The following ASIC2 variants were observed in gnomAD, a reference collection of about 807,000 sequenced individuals.
ASIC2 encodes the protein acid-sensing ion channel 2.
ASIC2 carries 25 observed loss-of-function variants against 57.3 expected under a neutral mutation model. The observed-to-expected ratio is 0.44, with a 90% CI of 0.32 to 0.61. ASIC2 has a LOEUF of 0.61. ASIC2 is among the 20% of genes least tolerant of loss of function. The pLI is 0.06. For missense variants in ASIC2, 641 were observed against 738.1 expected (o/e 0.87, Z 1.52); for synonymous variants, 319 against 307.5 (o/e 1.04, Z -0.39).
chr17:33,575,936 AGTT>A (rs1022692707), intron 1 of ASIC2, among the ~76,000 whole-genome samples: 1 of 152,206 alleles, frequency 6.6e-6, no homozygotes, highest in Non-Finnish European at 1.5e-5. Flanking sequence ...GCCTGTAATT[AGTT>A]GTTAACACAT....
intron 1 of ASIC2, among the ~76,000 whole-genome samples, chr17:33,949,819 T>G (rs1904501237): frequency 6.6e-6 from 1 of 152,254 alleles, no homozygotes. Context: ...GCCTGGCACC[T>G]AGCAAAGGCT....
intron 1 of ASIC2, among the ~76,000 whole-genome samples, chr17:34,126,278 G>A (rs1029133381): frequency 2.6e-5 from 4 of 152,206 alleles, no homozygotes; most frequent in Non-Finnish European, 5.9e-5. Flanking sequence ...CTACACCAGT[G>A]AGACTTAGGC....
chr17:33,845,330 C>T (rs572065735), intron 1 of ASIC2, among the ~76,000 whole-genome samples: 29 of 152,284 alleles, frequency 1.9e-4, no homozygotes, highest in African/African-American at 5.5e-4. Context: ...GAAAACTGAT[C>T]AACTCTCCAC....
rs146753960 is a variant in ASIC2, at chr17:33,539,747, C to G, written c.556-427680G>C. On this transcript the variant is annotated intron_variant, in intron 1 of 9. Coordinates refer to the ASIC2 transcript ENST00000359872. ...GGGTATTTACTGGCTGCCAACTGTG[C>G]CAGGTGCTGACCTTCGGGAGCTCAC... Among the ~76,000 whole-genome samples, 46 of 152,276 alleles carry G rather than the reference C, an allele frequency of 3.0e-4. No individual in the cohort carries two copies. In the East Asian group the frequency reaches 6.8e-3, roughly 22 times the overall value.
chr17:33,583,980 G>C (rs1435829752), intron 1 of ASIC2, among the ~76,000 whole-genome samples: 1 of 152,124 alleles, frequency 6.6e-6, no homozygotes, highest in Admixed American at 6.5e-5. Context: ...GCCTCTGCTT[G>C]GGTTTATCTC....
chr17:33,479,466 T>C (rs954444993), intron 1 of ASIC2, among the ~76,000 whole-genome samples: 1 of 152,174 alleles, frequency 6.6e-6, no homozygotes, highest in African/African-American at 2.4e-5. Flanking sequence ...CCAGACCTTG[T>C]TTGGACTCAG....
intron 1 of ASIC2, among the ~76,000 whole-genome samples, chr17:33,506,936 G>A (rs988944934): frequency 6.6e-6 from 1 of 152,162 alleles, no homozygotes; most frequent in African/African-American, 2.4e-5. Flanking sequence ...TCACTGCAGG[G>A]AGGCTGAATG....
chr17:33,079,632 T>A (rs1455796421), intron 3 of ASIC2, among the ~76,000 whole-genome samples: 1 of 152,000 alleles, frequency 6.6e-6, no homozygotes, highest in Non-Finnish European at 1.5e-5. Context: ...GAGTGAGCAC[T>A]GGGGAGGCCA....
intron 1 of ASIC2, among the ~76,000 whole-genome samples, chr17:33,496,359 G>T (rs1913930406): frequency 6.6e-6 from 1 of 152,120 alleles, no homozygotes; most frequent in South Asian, 2.1e-4. Flanking sequence ...CTGGATCAGG[G>T]CTCCTCTCCC....
intron 1 of ASIC2, among the ~76,000 whole-genome samples, chr17:33,865,045 T>C (rs1400160631): frequency 6.6e-6 from 1 of 152,164 alleles, no homozygotes; most frequent in East Asian, 1.9e-4. Flanking sequence ...CAAAGTCCAA[T>C]TTTCAGGATA....
At chr17:33,262,477 G>A (rs914817851) in intron 1 of ASIC2, among the ~76,000 whole-genome samples, 3 of 151,806 alleles carry the variant, frequency 2.0e-5, no homozygotes, top group African/African-American at 7.3e-5. Context: ...GGAAGGGAGG[G>A]AAAAGGAAGG....
intron 1 of ASIC2, chr17:33,794,839 A>G (rs919354628): frequency 2.0e-5 from 3 of 152,164 alleles, no homozygotes; most frequent in African/African-American, 7.2e-5. Flanking sequence ...AGCAGCAGGT[A>G]GCACAGTTTA....
At chr17:33,942,853 A>G (rs1916221924) in intron 1 of ASIC2, among the ~76,000 whole-genome samples, 1 of 152,202 alleles carries the variant, frequency 6.6e-6, no homozygotes, top group African/African-American at 2.4e-5. Flanking sequence ...CTGACCCCAA[A>G]GTCCCAAAGA....
At chr17:33,832,780 A>T (rs577376581) in intron 1 of ASIC2, among the ~76,000 whole-genome samples, 26 of 152,354 alleles carry the variant, frequency 1.7e-4, no homozygotes, top group African/African-American at 5.5e-4. Context: ...ATATAAATAT[A>T]TTCCAAGGAG....
chr17:34,091,061 G>T (rs1598019202), intron 1 of ASIC2, among the ~76,000 whole-genome samples: 1 of 152,188 alleles, frequency 6.6e-6, no homozygotes. Context: ...ACCTGAAGAT[G>T]ACTGCAGTTC....
chr17:33,545,372 G>A (rs1321554200), intron 1 of ASIC2, among the ~76,000 whole-genome samples: 3 of 152,004 alleles, frequency 2.0e-5, no homozygotes, highest in Non-Finnish European at 4.4e-5. Flanking sequence ...ATTGAAAGAC[G>A]TCTTCATTTG....
At chr17:33,357,789 C>A (rs149743277) in intron 1 of ASIC2, among the ~76,000 whole-genome samples, 4 of 152,330 alleles carry the variant, frequency 2.6e-5, no homozygotes, top group African/African-American at 9.6e-5. Context: ...ATATAATAAA[C>A]TTCCATTATG....
chr17:33,619,376 AT>A (rs1905706374), intron 1 of ASIC2, among the ~76,000 whole-genome samples: 1 of 152,194 alleles, frequency 6.6e-6, no homozygotes, highest in Non-Finnish European at 1.5e-5. Context: ...TCAATAATAA[AT>A]TACTTCTTTA....
At chr17:33,862,793 C>G (rs1432419112) in intron 1 of ASIC2, among the ~76,000 whole-genome samples, 1 of 152,194 alleles carries the variant, frequency 6.6e-6, no homozygotes, top group Non-Finnish European at 1.5e-5. Flanking sequence ...TAATGGCCAG[C>G]CTTCTAGTTC....
Sources: gnomAD v4.1 joint callset for allele counts (sites outside exome capture counted in the v4.1 genomes callset) on GRCh38, gnomAD v4.1.1 for gene constraint, MANE v1.5 for transcripts, NCBI Gene and HGNC (gene_info 2026-07-23, HGNC 2026-07-21) for gene names.